The following ADAMTS18 variants were observed in gnomAD, a reference collection of about 807,000 sequenced individuals.
The protein encoded by ADAMTS18 is ADAM metallopeptidase with thrombospondin type 1 motif 18, also known as A disintegrin and metalloproteinase with thrombospondin motifs 18.
In ADAMTS18, 157 loss-of-function variants were observed where a neutral mutation model predicts 165.9. That is an observed-to-expected ratio of 0.95 (90% CI 0.83 to 1.08). ADAMTS18 has a LOEUF of 1.08. Ranked by LOEUF, ADAMTS18 falls within the 50% of genes least tolerant of loss-of-function variation. The pLI, the probability that ADAMTS18 is intolerant of heterozygous loss-of-function variation, is 0.00. For synonymous variants in ADAMTS18, 782 were observed against 578.2 expected (o/e 1.35, Z -5.06); for missense variants, 2,040 against 1,534.0 (o/e 1.33, Z -5.51).
chr16:77,424,019 C>T (rs1377673889), intron 3 of ADAMTS18, among the ~76,000 whole-genome samples: 1 of 152,154 alleles, frequency 6.6e-6, no homozygotes, highest in Non-Finnish European at 1.5e-5. Context: ...AAACACCAAG[C>T]TAAGCAATCA....
chr16:77,328,276 C>T (rs2056129065), intron 12 of ADAMTS18, among the ~76,000 whole-genome samples: 1 of 152,130 alleles, frequency 6.6e-6, no homozygotes. Flanking sequence ...TCTTGTCACT[C>T]CTCCCATTTT....
chr16:77,421,259 ACT>A (rs954846635), intron 3 of ADAMTS18, among the ~76,000 whole-genome samples: 8 of 152,214 alleles, frequency 5.3e-5, no homozygotes, highest in Non-Finnish European at 7.4e-5. Context: ...CAGACAGAAC[ACT>A]CTCACCAGAC....
At position 77,431,496 on chromosome 16, in the gene ADAMTS18, G is replaced by A. The variant is rs773731299; in HGVS notation, c.294C>T (p.His98=). 32 of 1,614,108 alleles carry A rather than the reference G, an allele frequency of 2.0e-5. No homozygotes were observed. The highest frequency in any genetic ancestry group is 2.6e-5 in the Non-Finnish European group (31 of 1,180,050). ...CCTGTCCAAATGCTGAAAATCGGTA[G>A]TGCAGGGAGCTTCTGGCATTCTGCG... ...RSAQNARSSL[H]YRFSAFGQEL... The change falls in exon 3 of 23, where the codon CAC becomes CAT. Residue 98 remains histidine (H), a synonymous_variant. Transcript: ENST00000282849.
intron 3 of ADAMTS18, among the ~76,000 whole-genome samples, chr16:77,397,174 A>C (rs535148236): frequency 1.3e-5 from 2 of 152,296 alleles, no homozygotes; most frequent in South Asian, 4.1e-4. Context: ...ATGTAGAGTA[A>C]AGAAAAAATA....
chr16:77,352,876 G>A (rs529458223), intron 10 of ADAMTS18, among the ~76,000 whole-genome samples: 1 of 152,056 alleles, frequency 6.6e-6, no homozygotes, highest in African/African-American at 2.4e-5. Flanking sequence ...TTGGGAGGCC[G>A]AGGTGGGAGA....
At chr16:77,421,374 G>C (rs1040051263) in intron 3 of ADAMTS18, among the ~76,000 whole-genome samples, 16 of 152,218 alleles carry the variant, frequency 1.1e-4, no homozygotes, top group African/African-American at 3.6e-4. Context: ...AGGAACTCCT[G>C]GGTTTGTTCA....
At chr16:77,323,431 A>G (rs765829345) in intron 13 of ADAMTS18, among the ~76,000 whole-genome samples, 1 of 152,162 alleles carries the variant, frequency 6.6e-6, no homozygotes, top group African/African-American at 2.4e-5. Flanking sequence ...TCTCCCATCT[A>G]TAATTTTTTT....
At chr16:77,425,741 G>A (rs1237043551) in intron 3 of ADAMTS18, among the ~76,000 whole-genome samples, 2 of 152,050 alleles carry the variant, frequency 1.3e-5, no homozygotes, top group African/African-American at 4.8e-5. Flanking sequence ...TGGAAGTGTG[G>A]TTCAAAAAGA....
intron 3 of ADAMTS18, among the ~76,000 whole-genome samples, chr16:77,412,677 C>T (rs2057479973): frequency 6.6e-6 from 1 of 152,056 alleles, no homozygotes; most frequent in Non-Finnish European, 1.5e-5. Flanking sequence ...TGGCAGCAGG[C>T]AAGAGAGAAT....
rs775296189 is a variant in ADAMTS18, at chr16:77,293,100, C to A, written c.3165G>T (p.Gln1055His). 15 of 1,614,122 alleles carry A rather than the reference C, an allele frequency of 9.3e-6. No individual in the cohort carries two copies. Among genetic ancestry groups the A allele is most frequent in the Non-Finnish European group, 1.3e-5 (15 of 1,180,020 alleles). Reference protein sequence around the residue: ...LGRCPKNSRLQWVASSWSECS... With the variant: ...LGRCPKNSRLHWVASSWSECS... ...CCTCGCTCCACGAAGAAGCGACCCA[C>A]TGTAGCCGGCTGTTCTTGGGGCATC... Residue 1055 changes from glutamine to histidine, a missense_variant, in exon 20 of 23, where the codon CAG becomes CAT. Physicochemically the swap from Gln to His is conservative, Grantham distance 24 (BLOSUM62 0). Transcript: ENST00000282849.
rs114348533 is a variant in ADAMTS18, at chr16:77,421,664, G to A, written c.495+9631C>T. ...CCAGGTATTAATGATGGTGATACTGGGTGGCTAATATCACTGTTGGTAAGC... is the reference window on the plus strand; with the variant it reads ...CCAGGTATTAATGATGGTGATACTGAGTGGCTAATATCACTGTTGGTAAGC... On this transcript the variant is annotated intron_variant, in intron 3 of 22. Transcript: ENST00000282849. 3.0e-3 allele frequency among the ~76,000 whole-genome samples: 454 copies of A among 152,236 alleles called. 3 individuals are homozygous for A. The highest frequency in any genetic ancestry group is 0.011 in the African/African-American group (440 of 41,542).
At chr16:77,337,401 A>G (rs1050387624) in intron 11 of ADAMTS18, among the ~76,000 whole-genome samples, 1 of 152,232 alleles carries the variant, frequency 6.6e-6, no homozygotes, top group African/African-American at 2.4e-5. Context: ...CACATGCAGT[A>G]TCTCATCTAA....
intron 20 of ADAMTS18, among the ~76,000 whole-genome samples, chr16:77,292,848 C>G (rs923589880): frequency 6.6e-6 from 1 of 151,964 alleles, no homozygotes; most frequent in African/African-American, 2.4e-5. Flanking sequence ...GAGACAGAGT[C>G]TCACTCTGTC....
At chr16:77,362,477 T>C (rs953973652) in intron 6 of ADAMTS18, among the ~76,000 whole-genome samples, 6 of 152,234 alleles carry the variant, frequency 3.9e-5, no homozygotes, top group African/African-American at 1.4e-4. Flanking sequence ...TGATTTATGA[T>C]TGATCATAGT....
chr16:77,322,437 C>G lies in ADAMTS18; in HGVS notation c.2062G>C (p.Ala688Pro), dbSNP rs1475338375. The G allele has an allele frequency of 1.2e-6, 2 of 1,613,900 alleles. No individual in the cohort carries two copies. The highest frequency in any genetic ancestry group is 4.5e-5 in the East Asian group (2 of 44,866). ...GCAAAAAAAAATTCAAAGTTCTCAGCCTTGCAGTACAGTTTGCATCGATCT... is the reference window on the plus strand; with the variant it reads ...GCAAAAAAAAATTCAAAGTTCTCAGGCTTGCAGTACAGTTTGCATCGATCT... The part of the protein sequence containing the change: ...EEDRCKLYCK[A>P]ENFEFFFAMS... The change falls in exon 14 of 23, where the codon GCT (alanine) becomes CCT (proline). Residue 688 changes from alanine to proline, a missense_variant. Coordinates refer to ENST00000282849, the MANE Select transcript of ADAMTS18 (RefSeq NM_199355.4).
intron 16 of ADAMTS18, 145 bp from the exon 17 acceptor site, chr16:77,300,549 G>A: frequency 1.0e-6 from 1 of 977,348 alleles, no homozygotes; most frequent in Non-Finnish European, 1.6e-6. Flanking sequence ...TATGTTTTAT[G>A]TTGACTTAAA....
At chr16:77,294,504 C>G (rs1202179233) in intron 19 of ADAMTS18, among the ~76,000 whole-genome samples, 1 of 152,200 alleles carries the variant, frequency 6.6e-6, no homozygotes, top group African/African-American at 2.4e-5. Context: ...CCATAGCAAA[C>G]TTTATGCCCT....
intron 3 of ADAMTS18, among the ~76,000 whole-genome samples, chr16:77,421,796 C>G (rs2057606432): frequency 6.6e-6 from 1 of 152,038 alleles, no homozygotes; most frequent in African/African-American, 2.4e-5. Flanking sequence ...TTGCATGCAA[C>G]TAAGAAGTGT....
intron 3 of ADAMTS18, among the ~76,000 whole-genome samples, chr16:77,390,681 C>G (rs2057174233): frequency 6.7e-6 from 1 of 148,418 alleles, no homozygotes; most frequent in Non-Finnish European, 1.5e-5. Flanking sequence ...CAGAGCAAGA[C>G]TCCATCTCAA....
Sources: allele counts gnomAD v4.1 joint callset (sites outside exome capture counted in the v4.1 genomes callset), GRCh38; gene constraint gnomAD v4.1.1; transcripts MANE v1.5; gene names NCBI Gene and HGNC (gene_info 2026-07-23, HGNC 2026-07-21).